CYB5R1: variants seen among roughly 807,000 people sequenced by gnomAD.
CYB5R1 encodes NADH-cytochrome b5 reductase 1.
In CYB5R1, 32 loss-of-function variants were observed where a neutral mutation model predicts 37.4. That is an observed-to-expected ratio of 0.86 (90% CI 0.65 to 1.15). The LOEUF (loss-of-function observed/expected upper bound fraction) is 1.15, where lower values mean the gene tolerates loss of function less well. CYB5R1 is among the 50% of genes most tolerant of loss of function. The pLI, the probability that CYB5R1 is intolerant of heterozygous loss-of-function variation, is 0.00. For synonymous variants in CYB5R1, 159 were observed against 155.2 expected, an observed-to-expected ratio of 1.02 and a Z score of -0.18; for missense variants, 345 against 382.5, an observed-to-expected ratio of 0.90 and a Z score of 0.82.
chr1:202,963,893 C>T (rs543669783), intron 6 of CYB5R1, 166 bp from the exon 7 acceptor site: 10 of 456,080 alleles, frequency 2.2e-5, no homozygotes, highest in Admixed American at 1.7e-4. Flanking sequence ...TCTCCAACAT[C>T]TGTATTTCCG....
At position 202,965,479 on chromosome 1, in the gene CYB5R1, G is replaced by A. The variant is rs780286898; in HGVS notation, c.367C>T (p.Pro123Ser). ...VIKVYLKGVH[P>S]KFPEGGKMSQ... Reference sequence around the variant, plus strand: ...ATCTTCCCTCCCTCAGGAAATTTGGGGTGCACACCCTTCAGGTAGACCTTA... The same window carrying A: ...ATCTTCCCTCCCTCAGGAAATTTGGAGTGCACACCCTTCAGGTAGACCTTA... Residue 123 changes from proline (P) to serine (S), a missense_variant, in exon 5 of 9, where the codon CCC becomes TCC. Coordinates refer to ENST00000367249, the MANE Select transcript of CYB5R1 (RefSeq NM_016243.3). 6.3e-7 allele frequency: 1 copy of A among 1,598,924 alleles called. No homozygotes were observed. Among genetic ancestry groups the A allele is most frequent in the Non-Finnish European group, 8.5e-7 (1 of 1,173,120 alleles).
At position 202,967,239 on chromosome 1, in the gene CYB5R1, C is replaced by T. The variant is rs1655116189; in HGVS notation, c.-34G>A. 1.9e-6 allele frequency: 3 copies of T among 1,609,216 alleles called. No individual in the cohort carries two copies. On this transcript the variant is annotated 5_prime_UTR_variant, in exon 1 of 9. Coordinates refer to ENST00000367249, the MANE Select transcript of CYB5R1 (RefSeq NM_016243.3). ...GCCTTTTCCTCCACCACCTGACAAG[C>T]CGACAGATCCCACAATGCGCCGCGG...
chr1:202,964,453 T>G (rs1655046945), intron 6 of CYB5R1, 159 bp downstream of exon 6: 1 of 649,346 alleles, frequency 1.5e-6, no homozygotes, highest in Non-Finnish European at 2.7e-6. Flanking sequence ...TACCTGCTTA[T>G]GATTTTGTTT....
intron 4 of CYB5R1, 100 bp from the exon 5 acceptor site, chr1:202,965,600 G>A (rs1399975165): frequency 1.7e-6 from 2 of 1,194,136 alleles, no homozygotes; most frequent in African/African-American, 1.6e-5. Flanking sequence ...GATCAGATAT[G>A]TGCTATCTTT....
chr1:202,965,628 T>C, intron 4 of CYB5R1, 128 bp from the exon 5 acceptor site: 3 of 870,646 alleles, frequency 3.4e-6, no homozygotes, highest in East Asian at 3.2e-5. Context: ...CTACATACTT[T>C]CTTTCTTTCT....
rs199641680 is a variant in CYB5R1 at position 202,962,656 on chromosome 1, C to G, written c.789G>C (p.Arg263=). The G allele has an allele frequency of 4.0e-5, 64 of 1,614,098 alleles. 1 individual carries two copies. The East Asian group carries it at 1.4e-3, about 35-fold the overall frequency. The stretch of plus-strand genomic sequence containing the variant: ...CATCCCCTGGAGCGGGCAGGTGTTC[C>G]CGGATCATGTCGGCAGTCACAAAGC... ...SKGFVTADMI[R]EHLPAPGDDV... is the part of the protein sequence containing the mutation. The change falls in exon 9 of 9, where the codon CGG becomes CGC. Residue 263 remains arginine, a synonymous_variant. Coordinates refer to ENST00000367249, the MANE Select transcript of CYB5R1 (RefSeq NM_016243.3).
intron 6 of CYB5R1, chr1:202,964,347 T>C: frequency 2.0e-6 from 1 of 507,452 alleles, no homozygotes; most frequent in South Asian, 2.3e-5. Flanking sequence ...GCTGCTTCTC[T>C]CTTCTCTCAC....
intron 6 of CYB5R1, chr1:202,964,394 C>T (rs1298649506): frequency 1.7e-6 from 1 of 573,502 alleles, no homozygotes; most frequent in Non-Finnish European, 3.1e-6. Context: ...GAGGAAAGCT[C>T]ATTTAATTTG....
At chr1:202,965,766 C>G (rs1655078628) in intron 4 of CYB5R1, 121 bp downstream of exon 4, 1 of 772,314 alleles carries the variant, frequency 1.3e-6, no homozygotes. Context: ...CTGAGTAGCT[C>G]ATACTTTCTT....
Position 202,966,040 on chromosome 1 carries a change from G to A in CYB5R1, c.239-47C>T, listed in dbSNP as rs774198319. The A allele has an allele frequency of 3.2e-6, 4 of 1,231,372 alleles. No homozygotes were observed. The African/African-American group carries it at 4.5e-5, about 14-fold the overall frequency. 76.3% of individuals were successfully genotyped at this position (1,231,372 alleles called of 1,614,324 possible). On this transcript the variant is annotated intron_variant, in intron 3 of 8. Coordinates refer to ENST00000367249, the MANE Select transcript of CYB5R1 (RefSeq NM_016243.3). ...ACATAAGGGTTGTCTGTGATGTGCT[G>A]CATCCCTCAAAATACTCAAAGAGAT...
rs777511762 is a variant in CYB5R1, at chr1:202,962,668, G to A, written c.777C>T (p.Ala259=). The A allele has an allele frequency of 2.6e-5, 42 of 1,614,128 alleles. 1 individual carries two copies. The South Asian group carries it at 4.1e-4, about 16-fold the overall frequency. The change falls in exon 9 of 9, where the codon GCC becomes GCT. Residue 259 remains alanine (A), a synonymous_variant. Transcript: ENST00000367249. ...CGGGCAGGTGTTCCCGGATCATGTC[G>A]GCAGTCACAAAGCCCTTGCTGTAGG... is the stretch of plus-strand genomic sequence containing the variant. ...DWAYSKGFVT[A]DMIREHLPAP...
Position 202,966,572 on chromosome 1 carries a change from C to T in CYB5R1, c.194G>A (p.Arg65His), listed in dbSNP as rs768353653. ...GTGGTGGGCGGTGGGCAGGGCAAAG[C>T]GGAACCTCTTGGTGTTGTGGCTCAC... Reference protein sequence around the residue: ...TTVSHNTKRFRFALPTAHHTL... With the variant: ...TTVSHNTKRFHFALPTAHHTL... Residue 65 changes from arginine (R) to histidine (H), a missense_variant, in exon 3 of 9, where the codon CGC becomes CAC. Arg to His is a conservative substitution (Grantham distance 29, BLOSUM62 0). Transcript: ENST00000367249. 5 of 1,614,132 alleles carry T rather than the reference C, an allele frequency of 3.1e-6. No individual in the cohort carries two copies. The highest frequency in any genetic ancestry group is 2.2e-5 in the East Asian group (1 of 44,874).
At chr1:202,964,464 T>A in intron 6 of CYB5R1, 148 bp downstream of exon 6, 1 of 686,540 alleles carries the variant, frequency 1.5e-6, no homozygotes, top group Non-Finnish European at 2.6e-6. Flanking sequence ...GATTTTGTTT[T>A]TCAGATACTA....
At position 202,967,042 on chromosome 1, in the gene CYB5R1, G is replaced by A. The variant is rs749919305; in HGVS notation, c.16-144C>T. 11 of 1,422,478 alleles carry A rather than the reference G, an allele frequency of 7.7e-6. No individual in the cohort carries two copies. The South Asian group carries it at 1.3e-4, about 17-fold the overall frequency. 88.1% of individuals were successfully genotyped at this position (1,422,478 alleles called of 1,614,324 possible). ...GGTAACCTGGCGGAGTCCCGAGCCC[G>A]GATGTGCGGGATCGGGACCCCAGCA... On this transcript the variant is annotated intron_variant, in intron 1 of 8. Transcript: ENST00000367249.
At position 202,965,355 on chromosome 1, in the gene CYB5R1, G is replaced by A; in HGVS notation, c.475+16C>T. On this transcript the variant is annotated intron_variant, in intron 5 of 8. Coordinates refer to ENST00000367249, the MANE Select transcript of CYB5R1 (RefSeq NM_016243.3). ...ATAAAGTGGGAGACAGGCTCAAGGA[G>A]AAGACAGGTCATTACCTTTTCCAGT... 5 of 1,562,372 alleles carry A rather than the reference G, an allele frequency of 3.2e-6. No individual in the cohort carries two copies. Among genetic ancestry groups the A allele is most frequent in the Non-Finnish European group, 4.3e-6 (5 of 1,157,858 alleles).
In CYB5R1 at chr1:202,962,611, A is replaced by G. The variant is rs139281039; in HGVS notation, c.834T>C (p.Cys278=). The G allele has an allele frequency of 3.0e-5, 49 of 1,614,026 alleles. No individual in the cohort carries two copies. Among genetic ancestry groups the G allele is most frequent in the African/African-American group, 2.1e-4 (16 of 74,918 alleles). Residue 278 remains cysteine, a synonymous_variant, in exon 9 of 9, where the codon TGT becomes TGC. Transcript: ENST00000367249. ...APGDDVLVLL[C]GPPPMVQLAC... Reference sequence around the variant, plus strand: ...CCAGCTGCACCATTGGGGGTGGCCCACAAAGCAGTACCAGCACATCATCCC... The same window carrying G: ...CCAGCTGCACCATTGGGGGTGGCCCGCAAAGCAGTACCAGCACATCATCCC...
chr1:202,965,894 A>T lies in CYB5R1; in HGVS notation c.338T>A (p.Val113Asp), dbSNP rs1655082362. 6 of 1,609,114 alleles carry T rather than the reference A, an allele frequency of 3.7e-6. No homozygotes were observed. Among genetic ancestry groups the T allele is most frequent in the Non-Finnish European group, 5.1e-6 (6 of 1,175,450 alleles). The change falls in exon 4 of 9, where the codon GTC (valine) becomes GAC (aspartate). Residue 113 changes from valine to aspartate, a missense_variant. Coordinates refer to ENST00000367249, the MANE Select transcript of CYB5R1 (RefSeq NM_016243.3). ...SDEDQGYVDL[V>D]IKVYLKGVHP... is the part of the protein sequence containing the mutation. ...CCCTTCCTAGCCCCTTACCTTGATG[A>T]CAAGATCCACATAGCCTTGATCCTC...
At chr1:202,963,778 G>T in intron 6 of CYB5R1, 51 bp from the exon 7 acceptor site, 2 of 1,334,264 alleles carry the variant, frequency 1.5e-6, no homozygotes, top group Non-Finnish European at 2.1e-6. Flanking sequence ...TCTCTGCCCT[G>T]TCCTGGCTCC....
In CYB5R1 at chr1:202,962,432, C is replaced by G. The variant is rs1227400645; in HGVS notation, c.*95G>C. Reference sequence around the variant, plus strand: ...TCAGCTCTAGATGTAACTGAAAAAACCTGAAACTCTGAGGAAAGGAATCTA... The same window carrying G: ...TCAGCTCTAGATGTAACTGAAAAAAGCTGAAACTCTGAGGAAAGGAATCTA... On this transcript the variant is annotated 3_prime_UTR_variant, in exon 9 of 9. Coordinates refer to ENST00000367249, the MANE Select transcript of CYB5R1 (RefSeq NM_016243.3). 5 of 1,443,324 alleles carry G rather than the reference C, an allele frequency of 3.5e-6. No homozygotes were observed. The highest frequency in any genetic ancestry group is 4.7e-6 in the Non-Finnish European group (5 of 1,072,270). 89.4% of individuals were successfully genotyped at this position (1,443,324 alleles called of 1,614,324 possible).
Sources: allele counts gnomAD v4.1 joint callset, GRCh38; gene constraint gnomAD v4.1.1; transcripts MANE v1.5; gene names NCBI Gene and HGNC (gene_info 2026-07-23, HGNC 2026-07-21).